The following WFDC6 variants were observed in gnomAD, a reference collection of about 807,000 sequenced individuals.
WFDC6 encodes the protein WAP four-disulfide core domain protein 6.
Under a neutral mutation model 8.2 loss-of-function variants are expected in WFDC6, and 10 were observed. The observed-to-expected ratio is 1.22, with a 90% confidence interval of 0.75 to 2.07. The LOEUF is 2.07. Ranked by LOEUF, WFDC6 falls within the 30% of genes most tolerant of loss-of-function variation. WFDC6 has a pLI of 0.00. For missense variants in WFDC6, 105 were observed against 104.9 expected (o/e 1.00, Z 0.00); for synonymous variants, 28 against 37.0 (o/e 0.76, Z 0.88).
chr20:45,538,118 C>G, intron 1 of WFDC6, 24 bp from the exon 2 acceptor site: 1 of 1,613,700 alleles, frequency 6.2e-7, no homozygotes, highest in Non-Finnish European at 8.5e-7. Context: ...AGATATATTC[C>G]CTCAAGGCCT....
rs765749113 is a variant in WFDC6, at chr20:45,534,478, C to T, written c.250G>A (p.Glu84Lys). Residue 84 changes from glutamate to lysine, a missense_variant, in exon 3 of 3, where the codon GAG (glutamate) becomes AAG (lysine). Coordinates refer to ENST00000372670, the MANE Select transcript of WFDC6 (RefSeq NM_080827.2). Reference sequence around the variant, plus strand: ...CCAAATCCTGGAGGTTATTCAAGCTCCTCCTTATGGTATAAAGTAAGGCTG... The same window carrying T: ...CCAAATCCTGGAGGTTATTCAAGCTTCTCCTTATGGTATAAAGTAAGGCTG... ...KVSLTLYHKE[E>K]LE is the part of the protein sequence containing the mutation. 2 of 1,613,972 alleles carry T rather than the reference C, an allele frequency of 1.2e-6. No individual in the cohort carries two copies. The highest frequency in any genetic ancestry group is 1.7e-6 in the Non-Finnish European group (2 of 1,179,916).
At chr20:45,538,721 G>A (rs901349409) in intron 1 of WFDC6, among the ~76,000 whole-genome samples, 4 of 152,132 alleles carry the variant, frequency 2.6e-5, no homozygotes, top group Non-Finnish European at 4.4e-5. Context: ...CAGAAGAATT[G>A]GAAGCATAAG....
chr20:45,534,712 A>G (rs1979298682), intron 2 of WFDC6, among the ~76,000 whole-genome samples: 1 of 152,204 alleles, frequency 6.6e-6, no homozygotes, highest in Non-Finnish European at 1.5e-5. Flanking sequence ...TCTCAGTGTA[A>G]TAATTAATGG....
intron 2 of WFDC6, among the ~76,000 whole-genome samples, chr20:45,536,441 T>G (rs1007967365): frequency 1.3e-5 from 2 of 152,190 alleles, no homozygotes; most frequent in African/African-American, 4.8e-5. Flanking sequence ...TTGATTAGTG[T>G]TCTTAGTAGT....
intron 2 of WFDC6, chr20:45,537,378 T>G: frequency 1.3e-6 from 1 of 787,024 alleles, no homozygotes; most frequent in Non-Finnish European, 2.1e-6. Flanking sequence ...AATGAGCAAG[T>G]GGAACCCATC....
intron 2 of WFDC6, chr20:45,537,691 T>C: frequency 3.5e-6 from 4 of 1,134,754 alleles, no homozygotes; most frequent in Non-Finnish European, 5.1e-6. Flanking sequence ...CAAGAGACCA[T>C]GTGGTCCATT....
At position 45,539,359 on chromosome 20, in the gene WFDC6, C is replaced by T. The variant is rs1452231138; in HGVS notation, c.49G>A (p.Gly17Arg). The T allele has an allele frequency of 3.1e-6, 5 of 1,613,798 alleles. No individual in the cohort carries two copies. The highest frequency in any genetic ancestry group is 2.7e-5 in the African/African-American group (2 of 74,894). Residue 17 changes from glycine (G) to arginine (R), a missense_variant, in exon 1 of 3, where the codon GGG becomes AGG. By Grantham distance (125) the Gly-to-Arg change is moderately radical. Transcript: ENST00000372670. ...GCGTGCCCAGGTTCCTGGATGTCCC[C>T]CAAAAGGATGAATGGTACCAGGATT... is the stretch of plus-strand genomic sequence containing the variant. ...LPILVPFILL[G>R]DIQEPGHAEG...
At chr20:45,538,762 A>T (rs1267409401) in intron 1 of WFDC6, among the ~76,000 whole-genome samples, 1 of 152,208 alleles carries the variant, frequency 6.6e-6, no homozygotes, top group South Asian at 2.1e-4. Flanking sequence ...AAGATCACAC[A>T]GCTACTCAGG....
intron 1 of WFDC6, 138 bp from the exon 2 acceptor site, chr20:45,538,232 G>T: frequency 6.8e-7 from 1 of 1,470,524 alleles, no homozygotes; most frequent in South Asian, 1.3e-5. Context: ...GCCCTCAGGG[G>T]GCTCAGGAAT....
At chr20:45,537,688 C>T (rs1276705907) in intron 2 of WFDC6, 1 of 1,127,500 alleles carries the variant, frequency 8.9e-7, no homozygotes, top group African/African-American at 1.6e-5. Context: ...AGCCAAGAGA[C>T]CATGTGGTCC....
At chr20:45,535,322 G>A (rs970943297) in intron 2 of WFDC6, 4 of 1,302,896 alleles carry the variant, frequency 3.1e-6, no homozygotes, top group Non-Finnish European at 4.0e-6. Context: ...GTGGCATACT[G>A]CATATATCTG....
At chr20:45,535,261 T>A (rs1365060542) in intron 2 of WFDC6, 7 of 1,304,142 alleles carry the variant, frequency 5.4e-6, no homozygotes, top group Non-Finnish European at 7.1e-6. Flanking sequence ...TCTTAGTTTT[T>A]TTTATTGTAC....
At chr20:45,535,608 C>A (rs1979337339) in intron 2 of WFDC6, among the ~76,000 whole-genome samples, 1 of 152,190 alleles carries the variant, frequency 6.6e-6, no homozygotes, top group African/African-American at 2.4e-5. Context: ...TTTTCCTTGC[C>A]TCCCCAACAT....
At chr20:45,538,532 A>G (rs960452868) in intron 1 of WFDC6, among the ~76,000 whole-genome samples, 1 of 152,184 alleles carries the variant, frequency 6.6e-6, no homozygotes, top group African/African-American at 2.4e-5. Flanking sequence ...TCATTTGCCC[A>G]TAGGGTTGCT....
In WFDC6 at chr20:45,534,240, A is replaced by G; in HGVS notation, c.*227T>C. On this transcript the variant is annotated 3_prime_UTR_variant, in exon 3 of 3. Coordinates refer to ENST00000372670, the MANE Select transcript of WFDC6 (RefSeq NM_080827.2). ...TTATTAAGGCAACTGAAGCCTTCATACAAATAAATGGGGGGTCTGAAAGTT... is the reference window on the plus strand; with the variant it reads ...TTATTAAGGCAACTGAAGCCTTCATGCAAATAAATGGGGGGTCTGAAAGTT... 1 of 593,568 alleles carries G rather than the reference A, an allele frequency of 1.7e-6. No homozygotes were observed. Among genetic ancestry groups the G allele is most frequent in the Non-Finnish European group, 3.0e-6 (1 of 331,750 alleles). 36.8% of individuals were successfully genotyped at this position (593,568 alleles called of 1,614,324 possible).
At chr20:45,535,814 A>G (rs541426374) in intron 2 of WFDC6, among the ~76,000 whole-genome samples, 6 of 152,184 alleles carry the variant, frequency 3.9e-5, no homozygotes, top group Non-Finnish European at 5.9e-5. Context: ...ATAAAGTTCT[A>G]CCAAACCCAG....
chr20:45,538,413 G>T (rs1979455681), intron 1 of WFDC6, among the ~76,000 whole-genome samples: 1 of 152,204 alleles, frequency 6.6e-6, no homozygotes, highest in Non-Finnish European at 1.5e-5. Flanking sequence ...CCCAGGAGGT[G>T]CTGTGGCTCT....
chr20:45,538,233 G>T, intron 1 of WFDC6, 139 bp from the exon 2 acceptor site: 1 of 1,459,240 alleles, frequency 6.9e-7, no homozygotes. Flanking sequence ...CCCTCAGGGG[G>T]CTCAGGAATT....
Position 45,534,429 on chromosome 20 carries a change from G to T in WFDC6, c.*38C>A, listed in dbSNP as rs779485458. 2 of 1,613,152 alleles carry T rather than the reference G, an allele frequency of 1.2e-6. No homozygotes were observed. Among genetic ancestry groups the T allele is most frequent in the East Asian group, 2.2e-5 (1 of 44,868 alleles). On this transcript the variant is annotated 3_prime_UTR_variant, in exon 3 of 3. Transcript: ENST00000372670. The stretch of plus-strand genomic sequence containing the variant: ...AATTTGGAGCATCAATCAGGCACAC[G>T]TGGAGAGAGGCCTGGATTATGAGCC...
Sources: gnomAD v4.1 joint callset for allele counts (sites outside exome capture counted in the v4.1 genomes callset) on GRCh38, gnomAD v4.1.1 for gene constraint, MANE v1.5 for transcripts, NCBI Gene and HGNC (gene_info 2026-07-23, HGNC 2026-07-21) for gene names.